GRIN2B: variants seen among roughly 807,000 people sequenced by gnomAD.
GRIN2B encodes glutamate receptor ionotropic, NMDA 2B.
Under a neutral mutation model 114.5 loss-of-function variants are expected in GRIN2B, and 5 were observed. The observed-to-expected ratio is 0.04, with a 90% CI of 0.02 to 0.09. The LOEUF (loss-of-function observed/expected upper bound fraction) is 0.09. GRIN2B is among the 10% of genes least tolerant of loss of function. The probability of loss-of-function intolerance (pLI) is 1.00; values close to 1 mark genes in which losing one functional copy is unlikely to be tolerated. For synonymous variants in GRIN2B, 787 were observed against 745.1 expected, an observed-to-expected ratio of 1.06 and a Z score of -0.92; for missense variants, 1,108 against 1,943.5, an observed-to-expected ratio of 0.57 and a Z score of 8.08.
At chr12:13,639,354 CACAGTGTTCATAG>C (rs1191470295) in intron 5 of GRIN2B, among the ~76,000 whole-genome samples, 3 of 152,162 alleles carry the variant, frequency 2.0e-5, no homozygotes, top group African/African-American at 4.8e-5. Context: ...TAAAAGCAGT[CACAGTGTTCATAG>C]ACACTGAAGA....
intron 5 of GRIN2B, among the ~76,000 whole-genome samples, chr12:13,643,645 C>T (rs779010978): frequency 1.1e-4 from 17 of 152,158 alleles, no homozygotes; most frequent in Middle Eastern, 3.2e-3. Flanking sequence ...TATTTGATAG[C>T]ATTTTACCCA....
At chr12:13,698,129 G>T (rs1357815391) in intron 4 of GRIN2B, among the ~76,000 whole-genome samples, 1 of 152,238 alleles carries the variant, frequency 6.6e-6, no homozygotes, top group East Asian at 1.9e-4. Flanking sequence ...CGTGCTCCAA[G>T]GTTGATGAGG....
chr12:13,896,797 C>T (rs948250985), intron 2 of GRIN2B, among the ~76,000 whole-genome samples: 3 of 152,172 alleles, frequency 2.0e-5, no homozygotes, highest in African/African-American at 7.2e-5. Flanking sequence ...ATGTAGCAAG[C>T]ACTACCGACA....
intron 3 of GRIN2B, among the ~76,000 whole-genome samples, chr12:13,775,402 TGAA>T (rs1167353322): frequency 6.6e-6 from 1 of 152,122 alleles, no homozygotes; most frequent in African/African-American, 2.4e-5. Context: ...TCCTTAACTG[TGAA>T]GTGAGTTAGG....
chr12:13,666,577 A>G (rs1949978082), intron 5 of GRIN2B, among the ~76,000 whole-genome samples: 1 of 152,070 alleles, frequency 6.6e-6, no homozygotes, highest in Non-Finnish European at 1.5e-5. Context: ...TTTAAATTTT[A>G]TTTTTTTGTT....
rs573013605 is a variant in GRIN2B at position 13,605,829 on chromosome 12, G to A, written c.2010+2774C>T. Among the ~76,000 whole-genome samples, 92 of 152,262 alleles carry A rather than the reference G, an allele frequency of 6.0e-4. 1 individual carries two copies. The highest frequency in any genetic ancestry group is 1.2e-3 in the Admixed American group (19 of 15,298). The stretch of plus-strand genomic sequence containing the variant: ...GAGAAAGATAAGTGCAGTATGCCAA[G>A]TAATTTTTGAGACATTTGAAGGAAG... On this transcript the variant is annotated intron_variant, in intron 10 of 13. Transcript: ENST00000609686.
intron 2 of GRIN2B, among the ~76,000 whole-genome samples, chr12:13,937,502 GA>G (rs11297910): frequency 0.86 from 130,484 of 151,446 alleles, 56,303 homozygotes; most frequent in East Asian, 0.99. Flanking sequence ...GCCAAAAAAA[GA>G]AAAAAAAAGA....
rs74538624 is a variant in GRIN2B, at chr12:13,572,161, A to G, written c.2011-197T>C. 0.031 allele frequency among the ~76,000 whole-genome samples: 4,783 copies of G among 152,332 alleles called. 79 individuals are homozygous for G. The highest frequency in any genetic ancestry group is 0.07 in the South Asian group (336 of 4,830). ...AATTGCTATCTGAAAGCAGACTTCA[A>G]TTCAATTCAATTTAGTACATATTGC... On this transcript the variant is annotated intron_variant, in intron 10 of 13. Transcript: ENST00000609686.
rs1173021922 is a variant in GRIN2B, at chr12:13,540,239, T to G, written c.*22544A>C. 6.6e-6 allele frequency: 1 copy of G among 152,230 alleles called. No individual in the cohort carries two copies. Among genetic ancestry groups the G allele is most frequent in the Non-Finnish European group, 1.5e-5 (1 of 68,050 alleles). The allele number at this position is 152,230 out of a possible 1,614,324, so 9.4% of individuals were successfully genotyped here. ...AAAAAAACTCTGATTCTGGATTTTT[T>G]TTAACCCTGATAATTTGTGGTAGGT... On this transcript the variant is annotated 3_prime_UTR_variant, in exon 14 of 14. Transcript: ENST00000609686.
At chr12:13,691,074 C>G (rs952650565) in intron 4 of GRIN2B, among the ~76,000 whole-genome samples, 1 of 152,188 alleles carries the variant, frequency 6.6e-6, no homozygotes, top group South Asian at 2.1e-4. Context: ...GAGGAATAAT[C>G]TTTTTCTCAA....
chr12:13,866,166 C>T lies in GRIN2B; in HGVS notation c.43G>A (p.Val15Met), dbSNP rs1057519553. The T allele has an allele frequency of 6.2e-7, 1 of 1,612,514 alleles. No homozygotes were observed. Among genetic ancestry groups the T allele is most frequent in the Non-Finnish European group, 8.5e-7 (1 of 1,179,978 alleles). The part of the protein sequence containing the change: ...AECCSPKFWL[V>M]LAVLAVSGSR... ...CCTGACACGGCCAGGACGGCCAACA[C>T]CAACCAGAACTTGGGAGAACAGCAC... Residue 15 changes from valine (V) to methionine (M), a missense_variant, in exon 3 of 14, where the codon GTG (valine) becomes ATG (methionine). Physicochemically the swap from Val to Met is conservative, Grantham distance 21. This residue lies in a region of GRIN2B where 46 missense variants were observed against 44.4 expected (regional missense o/e 1.04). Coordinates refer to ENST00000609686, the MANE Select transcript of GRIN2B (RefSeq NM_000834.5).
chr12:13,759,032 G>T (rs890606064), intron 3 of GRIN2B, among the ~76,000 whole-genome samples: 1 of 103,224 alleles, frequency 9.7e-6, no homozygotes, highest in Non-Finnish European at 1.8e-5. Flanking sequence ...TTTTTGAGAC[G>T]AAGTCTCACT....
intron 4 of GRIN2B, among the ~76,000 whole-genome samples, chr12:13,751,859 C>T (rs373649245): frequency 1.3e-5 from 2 of 152,090 alleles, no homozygotes; most frequent in East Asian, 3.9e-4. Flanking sequence ...CAAGAAGTGC[C>T]CATATTTAAG....
chr12:13,775,763 G>A (rs1311961513), intron 3 of GRIN2B, among the ~76,000 whole-genome samples: 1 of 152,094 alleles, frequency 6.6e-6, no homozygotes, highest in Non-Finnish European at 1.5e-5. Flanking sequence ...AATATGATAT[G>A]TCATTGTTGT....
intron 3 of GRIN2B, among the ~76,000 whole-genome samples, chr12:13,850,544 C>T (rs1172037389): frequency 6.6e-6 from 1 of 152,114 alleles, no homozygotes; most frequent in African/African-American, 2.4e-5. Flanking sequence ...ACCCTACATC[C>T]TTTCTTCTCT....
intron 3 of GRIN2B, among the ~76,000 whole-genome samples, chr12:13,853,185 C>G (rs1865601216): frequency 6.6e-6 from 1 of 152,214 alleles, no homozygotes. Flanking sequence ...GCATTCACCA[C>G]TATCCAAAAT....
chr12:13,703,194 T>C (rs779240374), intron 4 of GRIN2B, among the ~76,000 whole-genome samples: 1 of 152,204 alleles, frequency 6.6e-6, no homozygotes, highest in Non-Finnish European at 1.5e-5. Flanking sequence ...TGGGCTTTTC[T>C]TTAAGTGATT....
chr12:13,699,706 A>G, intron 4 of GRIN2B, among the ~76,000 whole-genome samples: 1 of 151,674 alleles, frequency 6.6e-6, no homozygotes, highest in East Asian at 1.9e-4. Context: ...CTTCTGCTTC[A>G]GCCTCCCAAG....
At chr12:13,927,200 G>A (rs1294256411) in intron 2 of GRIN2B, among the ~76,000 whole-genome samples, 2 of 152,112 alleles carry the variant, frequency 1.3e-5, no homozygotes, top group East Asian at 3.9e-4. Context: ...AGCGATACAA[G>A]ATTTCAAGTA....
Sources: allele counts gnomAD v4.1 joint callset (sites outside exome capture counted in the v4.1 genomes callset), GRCh38; gene constraint gnomAD v4.1.1; regional missense constraint gnomAD v4.1.1; transcripts MANE v1.5; gene names NCBI Gene and HGNC (gene_info 2026-07-23, HGNC 2026-07-21).